The following GRIK4 variants were observed in gnomAD, a reference collection of about 807,000 sequenced individuals.
GRIK4 encodes glutamate ionotropic receptor kainate type subunit 4, also known as glutamate receptor ionotropic, kainate 4.
Under a neutral mutation model 104.9 loss-of-function variants are expected in GRIK4, and 40 were observed. The observed-to-expected ratio is 0.38, with a 90% CI of 0.30 to 0.50. The LOEUF (loss-of-function observed/expected upper bound fraction) is 0.50. GRIK4 is among the 20% of genes least tolerant of loss of function. The pLI, the probability that GRIK4 is intolerant of heterozygous loss-of-function variation, is 0.93. For synonymous variants in GRIK4, 485 were observed against 524.9 expected (o/e 0.92, Z 1.04); for missense variants, 1,047 against 1,308.1 (o/e 0.80, Z 3.08).
chr11:120,602,015 C>T (rs961043965), intron 1 of GRIK4, among the ~76,000 whole-genome samples: 4 of 152,104 alleles, frequency 2.6e-5, no homozygotes, highest in African/African-American at 9.7e-5. Context: ...ACCTTCTGAG[C>T]CATTGATCCT....
In GRIK4 at chr11:120,753,311, G is replaced by GTGTGTGTA. The variant is rs1555055648; in HGVS notation, c.83-49375_83-49374insATGTGTGT. Among the ~76,000 whole-genome samples the GTGTGTGTA allele has an allele frequency of 9.5e-3, 1,017 of 107,114 alleles. 12 individuals carry two copies. The highest frequency in any genetic ancestry group is 0.033 in the African/African-American group (955 of 28,796). The allele number at this position is 107,114 out of a possible 152,430, so 70.3% of individuals were successfully genotyped here. On this transcript the variant is annotated intron_variant, in intron 3 of 20. Coordinates refer to ENST00000527524, the MANE Select transcript of GRIK4 (RefSeq NM_014619.5). ...ACAACACAACTCTGTGTGTGTGTGTGTGTGTGTGTGTGTGTGTGTGTGTGT... is the reference window on the plus strand; with the variant it reads ...ACAACACAACTCTGTGTGTGTGTGTGTGTGTGTATGTGTGTGTGTGTGTGTGTGTGTGT...
chr11:120,863,544 G>A (rs1954315974), intron 9 of GRIK4, among the ~76,000 whole-genome samples: 1 of 152,250 alleles, frequency 6.6e-6, no homozygotes, highest in South Asian at 2.1e-4. Context: ...ATGAGTGAGT[G>A]AGTGAGTCAG....
chr11:120,789,272 C>T (rs1400647171), intron 3 of GRIK4, among the ~76,000 whole-genome samples: 1 of 152,112 alleles, frequency 6.6e-6, no homozygotes, highest in Non-Finnish European at 1.5e-5. Context: ...TTATCTTTGC[C>T]CTTCTCCAAA....
At chr11:120,600,335 T>C (rs1047504783) in intron 1 of GRIK4, among the ~76,000 whole-genome samples, 2 of 151,946 alleles carry the variant, frequency 1.3e-5, no homozygotes, top group East Asian at 1.9e-4. Context: ...TGGGAGTTTT[T>C]CCCCCCTCTG....
intron 1 of GRIK4, among the ~76,000 whole-genome samples, chr11:120,512,262 C>G (rs1483571241): frequency 1.3e-5 from 2 of 151,840 alleles, no homozygotes; most frequent in African/African-American, 2.4e-5. Context: ...ACTCCCAGCC[C>G]TGCCTCTGTC....
intron 1 of GRIK4, among the ~76,000 whole-genome samples, chr11:120,650,776 A>G (rs4936536): frequency 0.71 from 107,750 of 152,136 alleles, 38,298 homozygotes; most frequent in East Asian, 0.78. Flanking sequence ...GGCATTCGGT[A>G]TGTGTACATG....
At chr11:120,898,681 G>T in intron 12 of GRIK4, 42 bp downstream of exon 12, 3 of 1,124,882 alleles carry the variant, frequency 2.7e-6, no homozygotes, top group South Asian at 1.3e-5. Flanking sequence ...GCATCCTGGG[G>T]TGCCTCCCCG....
At position 120,554,746 on chromosome 11, in the gene GRIK4, A is replaced by T. The variant is rs192159081; in HGVS notation, c.-159+42859A>T. ...GCTGATTTTTGTGTTTTTAGTAGAG[A>T]CGGAGTTTCACCATGTTAGCCAGGC... On this transcript the variant is annotated intron_variant, in intron 1 of 20. Transcript: ENST00000527524. 5.3e-3 allele frequency among the ~76,000 whole-genome samples: 807 copies of T among 151,872 alleles called. 2 individuals carry two copies. Among genetic ancestry groups the T allele is most frequent in the Non-Finnish European group, 7.3e-3 (499 of 67,914 alleles).
intron 5 of GRIK4, among the ~76,000 whole-genome samples, chr11:120,816,851 T>G (rs1952974332): frequency 6.6e-6 from 1 of 152,088 alleles, no homozygotes; most frequent in Non-Finnish European, 1.5e-5. Context: ...GGGCTGGGGC[T>G]GACAAGTCCC....
At chr11:120,881,868 C>T (rs1038375093) in intron 11 of GRIK4, among the ~76,000 whole-genome samples, 5 of 152,230 alleles carry the variant, frequency 3.3e-5, no homozygotes, top group South Asian at 4.2e-4. Context: ...CATTTCTTAT[C>T]GTGGCCCTGT....
chr11:120,849,802 C>CT (rs1953934317), intron 8 of GRIK4, among the ~76,000 whole-genome samples: 1 of 152,212 alleles, frequency 6.6e-6, no homozygotes, highest in South Asian at 2.1e-4. Context: ...TGTTGTGTGA[C>CT]AAATTACCAC....
At chr11:120,554,332 A>G (rs1056589860) in intron 1 of GRIK4, among the ~76,000 whole-genome samples, 1 of 152,194 alleles carries the variant, frequency 6.6e-6, no homozygotes, top group Non-Finnish European at 1.5e-5. Flanking sequence ...GTGAAAGCCC[A>G]TGCAGCATCT....
Position 120,921,074 on chromosome 11 carries a change from G to A in GRIK4, c.1476+15581G>A, listed in dbSNP as rs545365619. ...TTCATTATCTCTGTCTAAGCCTGGCGTCCCCTTTTCTGAGACGTGTTCTTT... is the reference window on the plus strand; with the variant it reads ...TTCATTATCTCTGTCTAAGCCTGGCATCCCCTTTTCTGAGACGTGTTCTTT... On this transcript the variant is annotated intron_variant, in intron 13 of 20. Coordinates refer to ENST00000527524, the MANE Select transcript of GRIK4 (RefSeq NM_014619.5). Among the ~76,000 whole-genome samples, 10 of 152,190 alleles carry A rather than the reference G, an allele frequency of 6.6e-5. No homozygotes were observed. The South Asian group carries it at 1.2e-3, about 19-fold the overall frequency.
intron 3 of GRIK4, among the ~76,000 whole-genome samples, chr11:120,726,632 G>C (rs1047719765): frequency 6.6e-6 from 1 of 152,136 alleles, no homozygotes; most frequent in Non-Finnish European, 1.5e-5. Context: ...ATTGAGATGG[G>C]AAAATTAATA....
chr11:120,882,474 G>A (rs966010942), intron 11 of GRIK4, among the ~76,000 whole-genome samples: 1 of 152,156 alleles, frequency 6.6e-6, no homozygotes, highest in African/African-American at 2.4e-5. Context: ...CTTGACAGGC[G>A]ATTTCCCCCA....
At chr11:120,585,071 T>G (rs1948641577) in intron 1 of GRIK4, among the ~76,000 whole-genome samples, 1 of 152,238 alleles carries the variant, frequency 6.6e-6, no homozygotes, top group Admixed American at 6.5e-5. Flanking sequence ...GATGCTGACC[T>G]CACAGAATGA....
At chr11:120,576,940 C>T (rs563285097) in intron 1 of GRIK4, among the ~76,000 whole-genome samples, 1 of 152,234 alleles carries the variant, frequency 6.6e-6, no homozygotes, top group Non-Finnish European at 1.5e-5. Flanking sequence ...AAGGACTCAG[C>T]TCCCTGTTCT....
At position 120,972,428 on chromosome 11, in the gene GRIK4, C is replaced by T. The variant is rs148566594; in HGVS notation, c.2395+5105C>T. ...CAGCAGAGATAATGTCCTTGGAGAG[C>T]GAGGTTTTTGATTTGCCAGAGAAGT... On this transcript the variant is annotated intron_variant, in intron 19 of 20. Transcript: ENST00000527524. 8.2e-4 allele frequency among the ~76,000 whole-genome samples: 125 copies of T among 152,138 alleles called. 1 individual carries two copies. Among genetic ancestry groups the T allele is most frequent in the African/African-American group, 2.0e-3 (85 of 41,500 alleles).
intron 9 of GRIK4, chr11:120,872,098 G>A (rs1233555208): frequency 2.8e-6 from 1 of 356,998 alleles, no homozygotes; most frequent in East Asian, 7.4e-5. Context: ...GCTAACATCT[G>A]TCTGGACCTG....
Sources: gnomAD v4.1 joint callset for allele counts (sites outside exome capture counted in the v4.1 genomes callset) on GRCh38, gnomAD v4.1.1 for gene constraint, MANE v1.5 for transcripts, NCBI Gene and HGNC (gene_info 2026-07-23, HGNC 2026-07-21) for gene names.